ACOT12: variants seen among roughly 807,000 people sequenced by gnomAD.
The protein encoded by ACOT12 is acetyl-coenzyme A thioesterase.
A neutral mutation model predicts 67.7 loss-of-function variants in ACOT12; 51 were observed. That is an observed-to-expected ratio of 0.75 (90% CI 0.60 to 0.95). ACOT12 has a LOEUF of 0.95. ACOT12 is among the 40% of genes least tolerant of loss of function. ACOT12 has a pLI of 0.00. For synonymous variants in ACOT12, 251 were observed against 244.6 expected (o/e 1.03, Z -0.24); for missense variants, 734 against 708.1 (o/e 1.04, Z -0.41).
intron 2 of ACOT12, among the ~76,000 whole-genome samples, chr5:81,372,155 T>C (rs1760274615): frequency 6.6e-6 from 1 of 152,196 alleles, no homozygotes; most frequent in Non-Finnish European, 1.5e-5. Context: ...AGCAAATCTA[T>C]ACAGCTGGTA....
In ACOT12 at chr5:81,342,750, G is replaced by A; in HGVS notation, c.1050C>T (p.Ser350=). Residue 350 remains serine (S), a synonymous_variant, in exon 11 of 15, where the codon TCC becomes TCT. Coordinates refer to ENST00000307624, the MANE Select transcript of ACOT12 (RefSeq NM_130767.3). Reference sequence around the variant, plus strand: ...GGGCCTCCACATTGCTGTCACTCAGGGATGCCTAGAATAGAAATATTATAT... The same window carrying A: ...GGGCCTCCACATTGCTGTCACTCAGAGATGCCTAGAATAGAAATATTATAT... ...CIHWDISKQA[S]LSDSNVEALK... The A allele has an allele frequency of 6.2e-7, 1 of 1,613,896 alleles. No homozygotes were observed. The highest frequency in any genetic ancestry group is 8.5e-7 in the Non-Finnish European group (1 of 1,179,866).
chr5:81,313,393 C>CA, the ACOT12 span: 1 of 152,082 alleles, frequency 6.6e-6, no homozygotes. Flanking sequence ...AACTTCTAGC[C>CA]AAAATTCAGT....
At chr5:81,383,956 T>C (rs1760657120) in intron 2 of ACOT12, among the ~76,000 whole-genome samples, 1 of 151,980 alleles carries the variant, frequency 6.6e-6, no homozygotes, top group Non-Finnish European at 1.5e-5. Flanking sequence ...TTTTATAAAT[T>C]TGGTGTAGCC....
At chr5:81,329,842 T>TAA (rs1580521693), downstream of ACOT12, among the ~76,000 whole-genome samples, 1 of 130,892 alleles carries the variant, frequency 7.6e-6, no homozygotes, top group East Asian at 2.1e-4. Flanking sequence ...TGACACAAAG[T>TAA]TGTTCTTATT....
intron 11 of ACOT12, among the ~76,000 whole-genome samples, chr5:81,341,356 C>G (rs1041166898): frequency 2.9e-4 from 44 of 152,258 alleles, no homozygotes; most frequent in African/African-American, 8.9e-4. Context: ...CAGAAGAAGT[C>G]AAAGTCAGAG....
In ACOT12 at chr5:81,363,871, C is replaced by T. The variant is rs1308252019; in HGVS notation, c.277G>A (p.Val93Ile). The change falls in exon 4 of 15, where the codon GTA becomes ATA. Residue 93 changes from valine (V) to isoleucine (I), a missense_variant. Transcript: ENST00000307624. ...TCAATGCCAGTGAGCATATCCTGTACCATGACCTTGATACTGATCTAAAAT... is the reference window on the plus strand; with the variant it reads ...TCAATGCCAGTGAGCATATCCTGTATCATGACCTTGATACTGATCTAAAAT... ...TSMEISIKVM[V>I]QDMLTGIEKL... 4 of 1,607,792 alleles carry T rather than the reference C, an allele frequency of 2.5e-6. No individual in the cohort carries two copies. In the Admixed American group the frequency reaches 6.7e-5, roughly 27 times the overall value.
At chr5:81,340,920 ACTAT>A (rs1759174791) in intron 11 of ACOT12, among the ~76,000 whole-genome samples, 1 of 152,216 alleles carries the variant, frequency 6.6e-6, no homozygotes, top group African/African-American at 2.4e-5. Flanking sequence ...TCCTCTAGTA[ACTAT>A]CTGTATAAGA....
intron 5 of ACOT12, among the ~76,000 whole-genome samples, chr5:81,354,226 A>G (rs182046557): frequency 6.6e-6 from 1 of 152,348 alleles, no homozygotes; most frequent in African/African-American, 2.4e-5. Context: ...TTGAAATTGA[A>G]CTTTGAACTA....
intron 8 of ACOT12, 106 bp downstream of exon 8, chr5:81,344,785 A>G: frequency 7.1e-7 from 1 of 1,402,384 alleles, no homozygotes; most frequent in Middle Eastern, 1.8e-4. Flanking sequence ...AAAGAGGGAA[A>G]ACCAAAGGGA....
chr5:81,330,895 G>A lies in ACOT12; in HGVS notation c.1437C>T (p.Val479=), dbSNP rs751035684. Residue 479 remains valine, a synonymous_variant, in exon 14 of 15, where the codon GTC becomes GTT. Coordinates refer to ENST00000307624, the MANE Select transcript of ACOT12 (RefSeq NM_130767.3). ...VAVKSVILPS[V]PPSPQYIRSE... Reference sequence around the variant, plus strand: ...TTCTGATGTACTGTGGAGACGGGGGGACCGATGGCAAAATGACCGACTTCA... The same window carrying A: ...TTCTGATGTACTGTGGAGACGGGGGAACCGATGGCAAAATGACCGACTTCA... 17 of 1,612,852 alleles carry A rather than the reference G, an allele frequency of 1.1e-5. No individual in the cohort carries two copies. Among genetic ancestry groups the A allele is most frequent in the Middle Eastern group, 1.6e-4 (1 of 6,078 alleles).
the ACOT12 span, chr5:81,311,234 T>C: frequency 6.2e-7 from 1 of 1,614,130 alleles, no homozygotes; most frequent in Non-Finnish European, 8.5e-7. Context: ...ACTTTGTGGC[T>C]CTGTGGAACA....
chr5:81,348,060 CTG>C (rs1759437518), intron 5 of ACOT12, 130 bp from the exon 6 acceptor site: 1 of 1,001,954 alleles, frequency 1.0e-6, no homozygotes, highest in Non-Finnish European at 1.4e-6. Flanking sequence ...AGCCTTAAGA[CTG>C]AGAAAATTGA....
intron 12 of ACOT12, 37 bp downstream of exon 12, chr5:81,335,731 A>C: frequency 3.1e-6 from 5 of 1,598,664 alleles, no homozygotes; most frequent in Non-Finnish European, 4.3e-6. Flanking sequence ...ACATTATGTC[A>C]AGGTTGATTG....
chr5:81,388,840 A>T (rs535988794), intron 1 of ACOT12, among the ~76,000 whole-genome samples: 4 of 152,248 alleles, frequency 2.6e-5, no homozygotes, highest in East Asian at 1.9e-4. Flanking sequence ...TGCTATTCTC[A>T]TAATAGTGAA....
At chr5:81,360,313 G>A (rs1387628887) in intron 4 of ACOT12, among the ~76,000 whole-genome samples, 2 of 152,054 alleles carry the variant, frequency 1.3e-5, no homozygotes, top group Admixed American at 6.6e-5. Flanking sequence ...TTTTTCAACA[G>A]AACTACAAAA....
chr5:81,333,272 T>C lies in ACOT12; in HGVS notation c.1263-667A>G, dbSNP rs565153099. On this transcript the variant is annotated intron_variant, in intron 12 of 14. Transcript: ENST00000307624. ...ACATTGTGAGGACTGGTAAATCATA[T>C]AGTCAGTCCAAGAAGGATTGTTTAT... 7.2e-5 allele frequency among the ~76,000 whole-genome samples: 11 copies of C among 152,346 alleles called. No homozygotes were observed. In the East Asian group the frequency reaches 1.5e-3, roughly 21 times the overall value.
chr5:81,316,914 T>C, the ACOT12 span, among the ~76,000 whole-genome samples: 1 of 152,252 alleles, frequency 6.6e-6, no homozygotes, highest in African/African-American at 2.4e-5. Flanking sequence ...TTGTTATTTA[T>C]TGCAGAATTG....
At chr5:81,315,664 T>C in the ACOT12 span, among the ~76,000 whole-genome samples, 3 of 152,174 alleles carry the variant, frequency 2.0e-5, no homozygotes, top group Admixed American at 2.0e-4. Flanking sequence ...TGTGGAAATT[T>C]TAAAGCTGAA....
At chr5:81,365,184 T>C (rs566309245) in intron 3 of ACOT12, among the ~76,000 whole-genome samples, 96 of 152,324 alleles carry the variant, frequency 6.3e-4, no homozygotes, top group African/African-American at 2.3e-3. Context: ...AGTAATACTA[T>C]CTTCTGAAAA....
Sources: allele counts gnomAD v4.1 joint callset (sites outside exome capture counted in the v4.1 genomes callset), GRCh38; gene constraint gnomAD v4.1.1; transcripts MANE v1.5; gene names NCBI Gene and HGNC (gene_info 2026-07-23, HGNC 2026-07-21).